Variants in PSMD8 observed in about 807,000 individuals in gnomAD.
The protein encoded by PSMD8 is 26S proteasome non-ATPase regulatory subunit 8.
PSMD8 carries 30 observed loss-of-function variants against 40.0 expected under a neutral mutation model. The observed-to-expected ratio is 0.75, with a 90% confidence interval of 0.56 to 1.02. The LOEUF (loss-of-function observed/expected upper bound fraction) is 1.02, where lower values mean the gene tolerates loss of function less well. PSMD8 is among the 50% of genes least tolerant of loss of function. The pLI, the probability that PSMD8 is intolerant of heterozygous loss-of-function variation, is 0.00. For synonymous variants in PSMD8, 208 were observed against 192.5 expected (o/e 1.08, Z -0.67); for missense variants, 461 against 463.9 (o/e 0.99, Z 0.06).
intron 4 of PSMD8, among the ~76,000 whole-genome samples, chr19:38,379,899 T>C (rs1474780599): frequency 6.6e-6 from 1 of 152,138 alleles, no homozygotes; most frequent in African/African-American, 2.4e-5. Flanking sequence ...AGTTCAAGGC[T>C]GCAGTGTGCT....
intron 1 of PSMD8, 97 bp from the exon 2 acceptor site, chr19:38,376,063 C>G (rs969334414): frequency 9.6e-6 from 12 of 1,254,136 alleles, no homozygotes; most frequent in Non-Finnish European, 1.2e-5. Flanking sequence ...ATGGTTAGCT[C>G]CATTTTCCAA....
chr19:38,381,445 G>GGAT (rs1413240061), intron 5 of PSMD8: 1 of 162,980 alleles, frequency 6.1e-6, no homozygotes, highest in African/African-American at 2.4e-5. Context: ...ACGGGCAGAT[G>GGAT]GATGTGACAT....
chr19:38,376,050 A>G (rs1970594892), intron 1 of PSMD8, 110 bp from the exon 2 acceptor site: 7 of 1,098,688 alleles, frequency 6.4e-6, no homozygotes, highest in East Asian at 2.6e-5. Flanking sequence ...ATGAGTCTGG[A>G]TGATGGTTAG....
At chr19:38,378,650 C>T (rs1457172715) in intron 3 of PSMD8, among the ~76,000 whole-genome samples, 4 of 144,088 alleles carry the variant, frequency 2.8e-5, no homozygotes, top group South Asian at 2.2e-4. Flanking sequence ...GACCTTGTCT[C>T]GGAATTGAAA....
chr19:38,379,109 A>C (rs1375697276), intron 3 of PSMD8, 131 bp from the exon 4 acceptor site: 1 of 902,694 alleles, frequency 1.1e-6, no homozygotes, highest in East Asian at 2.7e-5. Context: ...GTTTCCTCAT[A>C]TGAAAACCCA....
intron 3 of PSMD8, 23 bp from the exon 4 acceptor site, chr19:38,379,217 G>T (rs1352470463): frequency 6.2e-7 from 1 of 1,610,802 alleles, no homozygotes. Flanking sequence ...TCCTTAACCT[G>T]CTTCCCCATC....
At chr19:38,375,276 C>A in intron 1 of PSMD8, 1 of 329,702 alleles carries the variant, frequency 3.0e-6, no homozygotes, top group Non-Finnish European at 5.7e-6. Flanking sequence ...GACTCTGTCT[C>A]TACATTTTTT....
rs1600494792 is a variant in PSMD8, at chr19:38,374,762, C to T, written c.161C>T (p.Ser54Leu). The change falls in exon 1 of 7, where the codon TCA becomes TTA. Residue 54 changes from serine (S) to leucine (L), a missense_variant. By Grantham distance (145) the Ser-to-Leu change is moderately radical. Around this residue, in one of 2 missense-constraint regions of PSMD8, gnomAD observed 225 missense variants for 142.7 expected, o/e 1.58. Transcript: ENST00000215071. ...ASVCRRRCRK[S>L]GGLLAASRKM... ...GTTTGTAGGCGGCGCTGCCGTAAATCAGGCGGTCTGCTTGCCGCATCACGC... is the reference window on the plus strand; with the variant it reads ...GTTTGTAGGCGGCGCTGCCGTAAATTAGGCGGTCTGCTTGCCGCATCACGC... The T allele has an allele frequency of 1.3e-6, 2 of 1,563,970 alleles. No homozygotes were observed. Among genetic ancestry groups the T allele is most frequent in the Non-Finnish European group, 1.7e-6 (2 of 1,159,194 alleles).
At chr19:38,379,483 G>A in intron 4 of PSMD8, 78 bp downstream of exon 4, 1 of 1,487,516 alleles carries the variant, frequency 6.7e-7, no homozygotes. Context: ...TTTCCTGAAG[G>A]AGTGGCCAGG....
chr19:38,383,237 C>A lies in PSMD8; in HGVS notation c.916-16C>A. 6.2e-7 allele frequency: 1 copy of A among 1,612,230 alleles called. No homozygotes were observed. Among genetic ancestry groups the A allele is most frequent in the African/African-American group, 1.3e-5 (1 of 74,958 alleles). The stretch of plus-strand genomic sequence containing the variant: ...TGTGATCACTCTACTCGTCTCTAAT[C>A]CCTCCTTTCCTGCAGCGAGGGTGGG... On this transcript the variant is annotated splice_polypyrimidine_tract_variant and intron_variant, in intron 6 of 6. Coordinates refer to ENST00000215071, the MANE Select transcript of PSMD8 (RefSeq NM_002812.5).
Position 38,383,234 on chromosome 19 carries a change from A to G in PSMD8, c.916-19A>G. ...CTTTGTGATCACTCTACTCGTCTCT[A>G]ATCCCTCCTTTCCTGCAGCGAGGGT... On this transcript the variant is annotated intron_variant, in intron 6 of 6. Transcript: ENST00000215071. The G allele has an allele frequency of 6.2e-7, 1 of 1,612,092 alleles. No homozygotes were observed. The highest frequency in any genetic ancestry group is 8.5e-7 in the Non-Finnish European group (1 of 1,179,862).
intron 6 of PSMD8, 26 bp from the exon 7 acceptor site, chr19:38,383,227 C>T (rs140221696): frequency 1.6e-5 from 26 of 1,611,848 alleles, no homozygotes; most frequent in East Asian, 6.7e-5. Flanking sequence ...TCACTCTACT[C>T]GTCTCTAATC....
intron 1 of PSMD8, chr19:38,375,277 T>G: frequency 6.1e-6 from 2 of 329,668 alleles, no homozygotes; most frequent in Non-Finnish European, 5.7e-6. Flanking sequence ...ACTCTGTCTC[T>G]ACATTTTTTT....
In PSMD8 at chr19:38,382,136, A is replaced by G. The variant is rs1970645639; in HGVS notation, c.823A>G (p.Ile275Val). 2 of 1,576,490 alleles carry G rather than the reference A, an allele frequency of 1.3e-6. No homozygotes were observed. The highest frequency in any genetic ancestry group is 1.4e-5 in the African/African-American group (1 of 73,956). ...DTIRDEIAGC[I>V]EKAYEKILFT... ...CCCCAGGGATGAGATCGCTGGGTGC[A>G]TCGAGAAGGCCTACGAGAAAATCCT... The change falls in exon 6 of 7, where the codon ATC (isoleucine) becomes GTC (valine). Residue 275 changes from isoleucine (I) to valine (V), a missense_variant. Physicochemically the swap from Ile to Val is conservative, Grantham distance 29. Coordinates refer to ENST00000215071, the MANE Select transcript of PSMD8 (RefSeq NM_002812.5).
chr19:38,379,522 A>C, intron 4 of PSMD8, 117 bp downstream of exon 4: 1 of 1,151,208 alleles, frequency 8.7e-7, no homozygotes, highest in Non-Finnish European at 1.2e-6. Flanking sequence ...CCACGGACCC[A>C]TCCTCTTGTT....
Position 38,379,348 on chromosome 19 carries a change from G to T in PSMD8, c.645G>T (p.Leu215=), listed in dbSNP as rs1970621745. Residue 215 remains leucine (L), a synonymous_variant, in exon 4 of 7, where the codon CTG becomes CTT. Coordinates refer to ENST00000215071, the MANE Select transcript of PSMD8 (RefSeq NM_002812.5). ...AGTTCCACACGGAGTTGGAGCGGCT[G>T]CCTGCCAAGGACATACAGACCAATG... The part of the protein sequence containing the change: ...VAEFHTELER[L]PAKDIQTNVY... The T allele has an allele frequency of 6.2e-7, 1 of 1,614,022 alleles. No individual in the cohort carries two copies. The highest frequency in any genetic ancestry group is 1.1e-5 in the South Asian group (1 of 91,088).
intron 3 of PSMD8, among the ~76,000 whole-genome samples, chr19:38,377,671 C>T (rs532687413): frequency 6.6e-6 from 1 of 152,212 alleles, no homozygotes; most frequent in Admixed American, 6.5e-5. Flanking sequence ...TAGAGTCCAC[C>T]CAGGCTAGAG....
rs769141730 is a variant in PSMD8 at position 38,380,989 on chromosome 19, G to A, written c.793G>A (p.Asp265Asn). The A allele has an allele frequency of 2.5e-5, 40 of 1,579,094 alleles. No individual in the cohort carries two copies. Among genetic ancestry groups the A allele is most frequent in the Non-Finnish European group, 3.3e-5 (38 of 1,161,422 alleles). ...CACCTTCTTCATTGACATCCTGCTC[G>A]ACACTATCAGGTGCGTAGCGGGGCC... ...SYTFFIDILL[D>N]TIRDEIAGCI... Residue 265 changes from aspartate to asparagine, a missense_variant, in exon 5 of 7, where the codon GAC becomes AAC. Asp to Asn is a conservative substitution (Grantham distance 23, BLOSUM62 1). This residue lies in a region of PSMD8 where 236 missense variants were observed against 321.2 expected (regional missense o/e 0.73). Transcript: ENST00000215071.
At chr19:38,375,569 G>T in intron 1 of PSMD8, 1 of 174,066 alleles carries the variant, frequency 5.7e-6, no homozygotes, top group Non-Finnish European at 1.2e-5. Flanking sequence ...GAGAGATCTG[G>T]GGCTTAGGCT....
Sources: allele counts gnomAD v4.1 joint callset (sites outside exome capture counted in the v4.1 genomes callset), GRCh38; gene constraint gnomAD v4.1.1; regional missense constraint gnomAD v4.1.1; transcripts MANE v1.5; gene names NCBI Gene and HGNC (gene_info 2026-07-23, HGNC 2026-07-21).